Variants in CNGB3 observed in about 807,000 individuals in gnomAD.
The protein encoded by CNGB3 is cyclic nucleotide-gated channel beta-3.
A neutral mutation model predicts 92.8 loss-of-function variants in CNGB3; 86 were observed. That is an observed-to-expected ratio of 0.93 (90% CI 0.78 to 1.11). CNGB3 has a LOEUF of 1.11. CNGB3 is among the 50% of genes least tolerant of loss of function. The probability of loss-of-function intolerance (pLI) is 0.00; values close to 1 mark genes in which losing one functional copy is unlikely to be tolerated. For synonymous variants in CNGB3, 333 were observed against 332.7 expected (o/e 1.00, Z -0.01); for missense variants, 1,026 against 956.8 (o/e 1.07, Z -0.95).
intron 6 of CNGB3, chr8:86,659,054 A>T: frequency 1.1e-6 from 1 of 922,062 alleles, no homozygotes; most frequent in Non-Finnish European, 1.7e-6. Flanking sequence ...GCTCCACCTC[A>T]GAGGGCCCTG....
chr8:86,600,673 G>T (rs1395282352), intron 15 of CNGB3, among the ~76,000 whole-genome samples: 1 of 148,944 alleles, frequency 6.7e-6, no homozygotes, highest in African/African-American at 2.5e-5. Context: ...GCAGTGGCGC[G>T]ATCTCGGCTC....
chr8:86,715,461 C>G (rs1010407623), intron 3 of CNGB3, among the ~76,000 whole-genome samples: 27 of 152,038 alleles, frequency 1.8e-4, no homozygotes, highest in African/African-American at 6.0e-4. Flanking sequence ...CACTGCAGTT[C>G]AGCCCTAAAG....
intron 15 of CNGB3, among the ~76,000 whole-genome samples, chr8:86,589,347 G>T (rs989549544): frequency 9.9e-4 from 147 of 148,878 alleles, no homozygotes; most frequent in Middle Eastern, 6.9e-3. Flanking sequence ...CTTCAGTTCT[G>T]CTCTGATTTT....
intron 3 of CNGB3, among the ~76,000 whole-genome samples, chr8:86,690,658 C>A (rs1461293348): frequency 6.6e-6 from 1 of 152,026 alleles, no homozygotes; most frequent in Admixed American, 6.6e-5. Flanking sequence ...AATGATATTG[C>A]CTAGGTTTTC....
chr8:86,729,407 C>A (rs1328311552), intron 2 of CNGB3, among the ~76,000 whole-genome samples: 1 of 152,164 alleles, frequency 6.6e-6, no homozygotes, highest in Non-Finnish European at 1.5e-5. Flanking sequence ...AAAATTAATT[C>A]TAGGTAGATC....
At chr8:86,726,223 G>C (rs1468962346) in intron 3 of CNGB3, among the ~76,000 whole-genome samples, 6 of 152,182 alleles carry the variant, frequency 3.9e-5, no homozygotes, top group African/African-American at 1.4e-4. Context: ...TTCATGCCTA[G>C]TAAATATATA....
chr8:86,579,395 A>T, intron 15 of CNGB3, 143 bp from the exon 16 acceptor site: 1 of 957,192 alleles, frequency 1.0e-6, no homozygotes, highest in Admixed American at 2.0e-5. Flanking sequence ...GATTGTGCAG[A>T]GAGTGTCAAG....
intron 6 of CNGB3, among the ~76,000 whole-genome samples, chr8:86,663,297 T>C (rs1437515080): frequency 6.6e-6 from 1 of 152,250 alleles, no homozygotes; most frequent in Non-Finnish European, 1.5e-5. Flanking sequence ...CTTATCTAAA[T>C]AATCTTCACT....
At chr8:86,620,908 GT>G (rs66846465) in intron 13 of CNGB3, among the ~76,000 whole-genome samples, 56,980 of 151,728 alleles carry the variant, frequency 0.38, 10,785 homozygotes, top group African/African-American at 0.41. Flanking sequence ...AAAAAAAAAA[GT>G]TTTTTTCATG....
At chr8:86,624,862 G>T (rs1014587272) in intron 13 of CNGB3, among the ~76,000 whole-genome samples, 16 of 152,098 alleles carry the variant, frequency 1.1e-4, no homozygotes, top group African/African-American at 3.4e-4. Context: ...AATCACAGGG[G>T]CGGATTTCCT....
At chr8:86,616,843 C>G (rs182843400) in intron 13 of CNGB3, among the ~76,000 whole-genome samples, 115 of 152,258 alleles carry the variant, frequency 7.6e-4, no homozygotes, top group African/African-American at 2.3e-3. Context: ...TAAGGTCACA[C>G]ATGCGGTAGG....
intron 10 of CNGB3, among the ~76,000 whole-genome samples, chr8:86,633,203 C>T (rs114293243): frequency 0.011 from 1,605 of 152,250 alleles, 31 homozygotes; most frequent in African/African-American, 0.037. Flanking sequence ...ACAGAGATGA[C>T]TCATTTATGT....
At chr8:86,726,762 C>A in intron 2 of CNGB3, 105 bp from the exon 3 acceptor site, 1 of 1,341,052 alleles carries the variant, frequency 7.5e-7, no homozygotes, top group Non-Finnish European at 1.1e-6. Context: ...TTAGAATAGT[C>A]TTCTCAAGAA....
intron 3 of CNGB3, among the ~76,000 whole-genome samples, chr8:86,711,199 A>T (rs149727949): frequency 6.6e-6 from 1 of 151,768 alleles, no homozygotes; most frequent in Non-Finnish European, 1.5e-5. Context: ...ACTTAAGTTC[A>T]CCTCTGTTTC....
chr8:86,683,456 A>T (rs895367788), intron 3 of CNGB3, among the ~76,000 whole-genome samples: 1 of 152,208 alleles, frequency 6.6e-6, no homozygotes. Flanking sequence ...AAAAAAGACT[A>T]AGGTGAAATT....
Position 86,659,956 on chromosome 8 carries a change from C to A in CNGB3, c.853-5894G>T, listed in dbSNP as rs552806886. ...TGAAGAGTTGTCCTGGGCTCTTGAT[C>A]AATGAGAAAGTCTTGGTTTCATCCA... On this transcript the variant is annotated intron_variant, in intron 6 of 17. Coordinates refer to ENST00000320005, the MANE Select transcript of CNGB3 (RefSeq NM_019098.5). 69 of 335,706 alleles carry A rather than the reference C, an allele frequency of 2.1e-4. 2 individuals carry two copies. Among genetic ancestry groups the A allele is most frequent in the Middle Eastern group, 1.3e-3 (2 of 1,498 alleles). 20.8% of individuals were successfully genotyped at this position (335,706 alleles called of 1,614,324 possible). A position where few individuals can be genotyped will look rare whatever the true frequency, so the allele number is the denominator to read the frequency against.
At chr8:86,618,832 G>C (rs995944340) in intron 13 of CNGB3, among the ~76,000 whole-genome samples, 2 of 152,212 alleles carry the variant, frequency 1.3e-5, no homozygotes, top group Non-Finnish European at 2.9e-5. Flanking sequence ...TAAGTAGGAT[G>C]TCACTGCTGG....
At chr8:86,578,608 G>T in intron 17 of CNGB3, 81 bp downstream of exon 17, 2 of 1,313,222 alleles carry the variant, frequency 1.5e-6, no homozygotes, top group Non-Finnish European at 2.2e-6. Flanking sequence ...GTCTGAAATG[G>T]AATTAGAGTG....
At chr8:86,578,885 T>C (rs1365373464) in intron 16 of CNGB3, 22 bp from the exon 17 acceptor site, 1 of 1,614,008 alleles carries the variant, frequency 6.2e-7, no homozygotes, top group African/African-American at 1.3e-5. Flanking sequence ...AGAGAAAAGC[T>C]GTTTTAGGTA....
Sources: allele counts gnomAD v4.1 joint callset (sites outside exome capture counted in the v4.1 genomes callset), GRCh38; gene constraint gnomAD v4.1.1; transcripts MANE v1.5; gene names NCBI Gene and HGNC (gene_info 2026-07-23, HGNC 2026-07-21).